Variants in TMEM245 observed in about 807,000 individuals in gnomAD.
The protein encoded by TMEM245 is protein CG-2.
A neutral mutation model predicts 101.2 loss-of-function variants in TMEM245; 69 were observed. The ratio of observed to expected loss-of-function variants is 0.68; its 90% CI spans 0.56 to 0.83. The LOEUF (loss-of-function observed/expected upper bound fraction) is 0.83. Among genes scored for constraint, TMEM245 ranks in the 40% least tolerant of loss-of-function variants. The pLI is 0.00. For missense variants in TMEM245, 1,075 were observed against 1,092.8 expected (o/e 0.98, Z 0.23); for synonymous variants, 537 against 449.8 (o/e 1.19, Z -2.45).
chr9:109,084,968 A>C (rs1829789044), intron 7 of TMEM245, among the ~76,000 whole-genome samples: 2 of 152,194 alleles, frequency 1.3e-5, no homozygotes, highest in Non-Finnish European at 2.9e-5. Context: ...TCTCATTTTG[A>C]TCTATTTTCA....
rs530062076 is a variant in TMEM245, at chr9:109,060,495, A to C, written c.1624-43T>G. 4.9e-5 allele frequency: 67 copies of C among 1,374,032 alleles called. 1 individual carries two copies. The East Asian group carries it at 1.4e-3, about 28-fold the overall frequency. The allele number at this position is 1,374,032 out of a possible 1,614,324, so 85.1% of individuals were successfully genotyped here. A position where few individuals can be genotyped will look rare whatever the true frequency, so the allele number is the denominator to read the frequency against. The stretch of plus-strand genomic sequence containing the variant: ...TACGACGTGGTACAATATTTCAGGC[A>C]ACAACAGAGTAAAATTAATATATGC... On this transcript the variant is annotated intron_variant, in intron 10 of 17. Transcript: ENST00000374586.
At chr9:109,051,295 AACACACACACACACACACACAC>A (rs67093439) in intron 12 of TMEM245, among the ~76,000 whole-genome samples, 3 of 135,152 alleles carry the variant, frequency 2.2e-5, no homozygotes, top group Non-Finnish European at 3.1e-5. Flanking sequence ...TCTGTCTCAA[AACACACACACACACACACACAC>A]ACACACACAC....
Position 109,018,761 on chromosome 9 carries a change from T to C in TMEM245, c.*1699A>G, listed in dbSNP as rs1827527182. ...ACACTTTTTTTTTTCCTTGGGACAG[T>C]GTCTCACTCTCTCACCCAGGCTGGA... On this transcript the variant is annotated 3_prime_UTR_variant, in exon 18 of 18. Coordinates refer to ENST00000374586, the MANE Select transcript of TMEM245 (RefSeq NM_032012.4). The C allele has an allele frequency of 6.6e-6, 1 of 151,914 alleles. No homozygotes were observed. Among genetic ancestry groups the C allele is most frequent in the African/African-American group, 2.4e-5 (1 of 41,336 alleles). The allele number at this position is 151,914 out of a possible 1,614,324, so 9.4% of individuals were successfully genotyped here.
intron 3 of TMEM245, among the ~76,000 whole-genome samples, chr9:109,105,473 C>T (rs981616465): frequency 1.3e-5 from 2 of 152,304 alleles, no homozygotes; most frequent in African/African-American, 4.8e-5. Context: ...CACAGAATTA[C>T]CATACGACCC....
At chr9:109,053,139 A>G (rs1356088817) in intron 12 of TMEM245, among the ~76,000 whole-genome samples, 1 of 152,180 alleles carries the variant, frequency 6.6e-6, no homozygotes, top group Non-Finnish European at 1.5e-5. Flanking sequence ...ATGTATCCCA[A>G]CTCAGGCTGG....
intron 3 of TMEM245, among the ~76,000 whole-genome samples, chr9:109,098,908 C>T (rs553016772): frequency 6.6e-6 from 1 of 152,162 alleles, no homozygotes; most frequent in Admixed American, 6.5e-5. Context: ...AAAGAGACCA[C>T]AGGTCAGACA....
intron 1 of TMEM245, among the ~76,000 whole-genome samples, chr9:109,109,435 C>A (rs1451737995): frequency 5.4e-5 from 7 of 129,138 alleles, no homozygotes; most frequent in Admixed American, 1.5e-4. Context: ...ATGAACCTTG[C>A]CAAAAAAAAA....
At chr9:109,028,513 C>T (rs1827855920) in intron 17 of TMEM245, among the ~76,000 whole-genome samples, 1 of 151,810 alleles carries the variant, frequency 6.6e-6, no homozygotes, top group South Asian at 2.1e-4. Context: ...CATCATGTTC[C>T]CATTCAAAAA....
intron 1 of TMEM245, 80 bp from the exon 2 acceptor site, chr9:109,108,650 T>A: frequency 9.7e-7 from 1 of 1,030,676 alleles, no homozygotes; most frequent in Non-Finnish European, 1.5e-6. Flanking sequence ...TGTAAGTGTC[T>A]ATACAGCAGG....
intron 17 of TMEM245, among the ~76,000 whole-genome samples, chr9:109,032,042 T>C (rs1377526670): frequency 2.0e-5 from 3 of 152,180 alleles, no homozygotes; most frequent in Non-Finnish European, 4.4e-5. Context: ...ATTGTTAACA[T>C]TTTGCTACAG....
chr9:109,117,952 C>T (rs1830771844), intron 1 of TMEM245, among the ~76,000 whole-genome samples: 1 of 152,234 alleles, frequency 6.6e-6, no homozygotes, highest in Non-Finnish European at 1.5e-5. Context: ...GGATAAAGAG[C>T]GCTGAACTGG....
At chr9:109,095,823 T>C (rs1830125357) in intron 3 of TMEM245, among the ~76,000 whole-genome samples, 1 of 152,184 alleles carries the variant, frequency 6.6e-6, no homozygotes, top group African/African-American at 2.4e-5. Context: ...CAACTGCCTC[T>C]CACCCCTCTC....
intron 17 of TMEM245, among the ~76,000 whole-genome samples, chr9:109,032,429 G>A (rs1827985977): frequency 8.8e-6 from 1 of 113,200 alleles, no homozygotes; most frequent in African/African-American, 3.3e-5. Flanking sequence ...CTGTCACCCA[G>A]GCTGGAATCC....
intron 11 of TMEM245, among the ~76,000 whole-genome samples, chr9:109,058,092 C>T (rs1207153186): frequency 6.6e-6 from 1 of 151,358 alleles, no homozygotes; most frequent in African/African-American, 2.4e-5. Flanking sequence ...ACTCCGCCTC[C>T]CAGGTTCATG....
At chr9:109,049,596 G>T (rs1828611117) in intron 14 of TMEM245, among the ~76,000 whole-genome samples, 1 of 152,164 alleles carries the variant, frequency 6.6e-6, no homozygotes, top group Non-Finnish European at 1.5e-5. Context: ...GGAGGCCGAG[G>T]CAGGCAGATC....
rs1830848471 is a variant in TMEM245 at position 109,119,622 on chromosome 9, T to C, written c.292A>G (p.Lys98Glu). Residue 98 changes from lysine to glutamate, a missense_variant, in exon 1 of 18, where the codon AAG becomes GAG. Coordinates refer to ENST00000374586, the MANE Select transcript of TMEM245 (RefSeq NM_032012.4). ...VLCGTFLHPF[K>E]SSLTRLGRHW... ...CGGCCCAGGCGCGTCAGCGAGCTCT[T>C]GAAGGGGTGCAGAAAAGTGCCGCAT... 2.6e-6 allele frequency: 4 copies of C among 1,561,512 alleles called. No individual in the cohort carries two copies. The highest frequency in any genetic ancestry group is 3.5e-6 in the Non-Finnish European group (4 of 1,156,636).
chr9:109,036,470 A>G, intron 15 of TMEM245, 90 bp from the exon 16 acceptor site: 1 of 1,270,306 alleles, frequency 7.9e-7, no homozygotes, highest in Non-Finnish European at 1.0e-6. Flanking sequence ...CTCCTCAACA[A>G]CTTCCAACAA....
chr9:109,048,107 G>T (rs905361277), intron 14 of TMEM245, among the ~76,000 whole-genome samples: 2 of 152,150 alleles, frequency 1.3e-5, no homozygotes, highest in African/African-American at 4.8e-5. Flanking sequence ...CTGTTACACT[G>T]GATAATATAC....
chr9:109,061,821 A>G (rs1179558985), intron 10 of TMEM245, among the ~76,000 whole-genome samples: 1 of 152,198 alleles, frequency 6.6e-6, no homozygotes, highest in Admixed American at 6.5e-5. Flanking sequence ...TGCCCACCTC[A>G]GCCTCCACAA....
Sources: allele counts gnomAD v4.1 joint callset (sites outside exome capture counted in the v4.1 genomes callset), GRCh38; gene constraint gnomAD v4.1.1; transcripts MANE v1.5; gene names NCBI Gene and HGNC (gene_info 2026-07-23, HGNC 2026-07-21).